HMCN1: variants seen among roughly 807,000 people sequenced by gnomAD.
The protein encoded by HMCN1 is hemicentin 1.
In HMCN1, 321 loss-of-function variants were observed where a neutral mutation model predicts 625.9. The observed-to-expected ratio is 0.51, with a 90% CI of 0.47 to 0.56. HMCN1 has a LOEUF of 0.56. Among genes scored for constraint, HMCN1 ranks in the 20% least tolerant of loss-of-function variants. HMCN1 has a pLI of 0.00. For synonymous variants in HMCN1, 2,425 were observed against 2,417.6 expected, an observed-to-expected ratio of 1.00 and a Z score of -0.09; for missense variants, 6,588 against 6,887.3, an observed-to-expected ratio of 0.96 and a Z score of 1.54.
Position 185,970,438 on chromosome 1 carries a change from T to C in HMCN1, c.2316T>C (p.Cys772=). Reference sequence around the variant, plus strand: ...ATCTGGATGCTGGCGATTATACCTGTGTAGCCATCAATGAGGCTGGAAGAG... The same window carrying C: ...ATCTGGATGCTGGCGATTATACCTGCGTAGCCATCAATGAGGCTGGAAGAG... ...TQDLDAGDYT[C]VAINEAGRAT... is the part of the protein sequence containing the mutation. The change falls in exon 15 of 107, where the codon TGT becomes TGC. Residue 772 remains cysteine, a synonymous_variant. Coordinates refer to ENST00000271588, the MANE Select transcript of HMCN1 (RefSeq NM_031935.3). 1.9e-6 allele frequency: 3 copies of C among 1,613,918 alleles called. No individual in the cohort carries two copies. The highest frequency in any genetic ancestry group is 2.5e-6 in the Non-Finnish European group (3 of 1,179,792).
chr1:186,184,305 C>A (rs1053590697), intron 105 of HMCN1, among the ~76,000 whole-genome samples: 1 of 152,128 alleles, frequency 6.6e-6, no homozygotes, highest in Non-Finnish European at 1.5e-5. Context: ...GTGTTTGAGG[C>A]ATTTATAAGG....
At chr1:186,147,356 T>G (rs915837733) in intron 93 of HMCN1, among the ~76,000 whole-genome samples, 14 of 151,966 alleles carry the variant, frequency 9.2e-5, no homozygotes, top group Non-Finnish European at 2.1e-4. Flanking sequence ...TCTCCCCAAT[T>G]CAGACATAAG....
intron 1 of HMCN1, among the ~76,000 whole-genome samples, chr1:185,779,566 G>A (rs181362940): frequency 1.2e-3 from 184 of 152,228 alleles, no homozygotes; most frequent in African/African-American, 4.0e-3. Context: ...TCTACATATG[G>A]CTAGCCAGTT....
intron 16 of HMCN1, among the ~76,000 whole-genome samples, chr1:185,980,475 T>C (rs1651540214): frequency 6.6e-6 from 1 of 152,210 alleles, no homozygotes; most frequent in African/African-American, 2.4e-5. Context: ...CTTGGGATAA[T>C]TGTTTCTTTG....
intron 103 of HMCN1, 53 bp downstream of exon 103, chr1:186,174,695 C>G (rs1265991985): frequency 1.3e-6 from 2 of 1,583,536 alleles, no homozygotes; most frequent in Non-Finnish European, 1.7e-6. Flanking sequence ...AGTTACCTAG[C>G]CTTACCAACT....
chr1:185,927,444 A>G (rs1033449394), intron 9 of HMCN1, among the ~76,000 whole-genome samples: 3 of 152,204 alleles, frequency 2.0e-5, no homozygotes, highest in African/African-American at 7.2e-5. Context: ...GTTTAACTAA[A>G]GTGAATTTTC....
At chr1:185,851,276 C>A (rs571290436) in intron 2 of HMCN1, among the ~76,000 whole-genome samples, 1 of 151,976 alleles carries the variant, frequency 6.6e-6, no homozygotes, top group Admixed American at 6.6e-5. Context: ...AAAAAGAAAA[C>A]CTTTAAAAAT....
chr1:186,036,169 A>G (rs1655806973), intron 36 of HMCN1, among the ~76,000 whole-genome samples: 2 of 152,100 alleles, frequency 1.3e-5, no homozygotes, highest in Non-Finnish European at 2.9e-5. Context: ...TTATTGTAAC[A>G]TTTTTGTGGG....
rs770869707 is a variant in HMCN1, at chr1:185,989,511, C to T, written c.3072C>T (p.Ser1024=). ...AGAAAGGAGAGCTGATTTCAACCAGCAGTGCTAAGTTTTCAGCAGGAGCTG... is the reference window on the plus strand; with the variant it reads ...AGAAAGGAGAGCTGATTTCAACCAGTAGTGCTAAGTTTTCAGCAGGAGCTG... The part of the protein sequence containing the change: ...WSKKGELIST[S]SAKFSAGADG... Residue 1024 remains serine (S), a synonymous_variant, in exon 21 of 107, where the codon AGC becomes AGT. Transcript: ENST00000271588. 10 of 1,613,908 alleles carry T rather than the reference C, an allele frequency of 6.2e-6. No individual in the cohort carries two copies. The Admixed American group carries it at 1.5e-4, about 24-fold the overall frequency.
intron 6 of HMCN1, among the ~76,000 whole-genome samples, chr1:185,915,965 A>G (rs1483615990): frequency 6.6e-6 from 1 of 151,944 alleles, no homozygotes; most frequent in African/African-American, 2.4e-5. Flanking sequence ...CCAATATCGG[A>G]CTGTCAACCA....
chr1:185,929,891 T>C (rs569534789), intron 10 of HMCN1, among the ~76,000 whole-genome samples: 31 of 152,332 alleles, frequency 2.0e-4, no homozygotes, highest in African/African-American at 2.6e-4. Context: ...ATGAAAAGCA[T>C]TGGAGTCATG....
chr1:186,145,912 A>T lies in HMCN1; in HGVS notation c.14597A>T (p.Gln4866Leu), dbSNP rs756922825. The T allele has an allele frequency of 4.1e-5, 66 of 1,613,834 alleles. 1 individual carries two copies. The Admixed American group carries it at 1.1e-3, about 27-fold the overall frequency. ...ACTCAGGTGACCAGGTGCAATGTAC[A>T]AGCATGTCCAGGTAAGCAACTAAAT... ...DTTQVTRCNVQACPGGPQRAR... is the reference protein window; with the variant it reads ...DTTQVTRCNVLACPGGPQRAR... The change falls in exon 93 of 107, where the codon CAA (glutamine) becomes CTA (leucine). Residue 4866 changes from glutamine (Q) to leucine (L), a missense_variant. Gln to Leu is a moderately radical substitution (Grantham distance 113). Around this residue, in one of 3 missense-constraint regions of HMCN1, gnomAD observed 1,954 missense variants for 2,013.1 expected, o/e 0.97. Transcript: ENST00000271588.
intron 104 of HMCN1, among the ~76,000 whole-genome samples, chr1:186,181,506 C>T (rs1163519906): frequency 1.3e-5 from 2 of 152,078 alleles, no homozygotes; most frequent in Non-Finnish European, 2.9e-5. Flanking sequence ...GGCAGATGGT[C>T]TCAAGTGTCC....
At chr1:186,023,361 C>T (rs887897962) in intron 36 of HMCN1, among the ~76,000 whole-genome samples, 2 of 149,302 alleles carry the variant, frequency 1.3e-5, no homozygotes, top group African/African-American at 5.0e-5. Flanking sequence ...GGTTGTCAAA[C>T]AGGATATACT....
intron 6 of HMCN1, among the ~76,000 whole-genome samples, chr1:185,915,329 A>G (rs1232344037): frequency 6.6e-6 from 1 of 152,078 alleles, no homozygotes; most frequent in Non-Finnish European, 1.5e-5. Context: ...TGATTTTTCC[A>G]TTCAGCAACT....
intron 2 of HMCN1, among the ~76,000 whole-genome samples, chr1:185,863,087 TG>T (rs1168846923): frequency 3.3e-5 from 5 of 152,334 alleles, no homozygotes; most frequent in African/African-American, 1.2e-4. Flanking sequence ...TGTTGGAGCC[TG>T]CTGAAAGACC....
chr1:186,132,515 TCA>T, intron 86 of HMCN1, 106 bp downstream of exon 86: 2 of 859,920 alleles, frequency 2.3e-6, no homozygotes, highest in Non-Finnish European at 3.8e-6. Context: ...GTGGTAGCTC[TCA>T]GAGTGTGTCT....
At chr1:185,880,839 G>A (rs1436553828) in intron 4 of HMCN1, among the ~76,000 whole-genome samples, 1 of 152,196 alleles carries the variant, frequency 6.6e-6, no homozygotes, top group Non-Finnish European at 1.5e-5. Context: ...CCATGTAAAT[G>A]GAAGAAGAAA....
At position 186,084,437 on chromosome 1, in the gene HMCN1, G is replaced by A. The variant is rs543301464; in HGVS notation, c.8884+1476G>A. Among the ~76,000 whole-genome samples, 4 of 152,208 alleles carry A rather than the reference G, an allele frequency of 2.6e-5. No individual in the cohort carries two copies. The South Asian group carries it at 6.2e-4, about 24-fold the overall frequency. ...GTTTCTTCTTTCACCAGTTAATGATGTCTTGAGTTCCTGACTGCAATCAGG... is the reference window on the plus strand; with the variant it reads ...GTTTCTTCTTTCACCAGTTAATGATATCTTGAGTTCCTGACTGCAATCAGG... On this transcript the variant is annotated intron_variant, in intron 57 of 106. Transcript: ENST00000271588.
Sources: allele counts gnomAD v4.1 joint callset (sites outside exome capture counted in the v4.1 genomes callset), GRCh38; gene constraint gnomAD v4.1.1; regional missense constraint gnomAD v4.1.1; transcripts MANE v1.5; gene names NCBI Gene and HGNC (gene_info 2026-07-23, HGNC 2026-07-21).